The following GRAMD1B variants were observed in gnomAD, a reference collection of about 807,000 sequenced individuals.
GRAMD1B encodes GRAM domain containing 1B.
A neutral mutation model predicts 99.7 loss-of-function variants in GRAMD1B; 37 were observed. The ratio of observed to expected loss-of-function variants is 0.37; its 90% CI spans 0.29 to 0.49. The LOEUF (loss-of-function observed/expected upper bound fraction) is 0.49. Among genes scored for constraint, GRAMD1B ranks in the 20% least tolerant of loss-of-function variants. GRAMD1B has a pLI of 0.98. For synonymous variants in GRAMD1B, 427 were observed against 387.6 expected (o/e 1.10, Z -1.19); for missense variants, 888 against 1,009.2 (o/e 0.88, Z 1.63).
At chr11:123,442,241 C>T (rs1008504168) in intron 1 of GRAMD1B, among the ~76,000 whole-genome samples, 1 of 152,192 alleles carries the variant, frequency 6.6e-6, no homozygotes, top group African/African-American at 2.4e-5. Flanking sequence ...TTAGAGCTAC[C>T]TGTACTTTTT....
intron 11 of GRAMD1B, chr11:123,607,981 A>G: frequency 6.5e-6 from 1 of 154,474 alleles, no homozygotes; most frequent in South Asian, 2.0e-4. Context: ...CCTGAGACTG[A>G]AGGAAGCTCC....
At chr11:123,436,066 C>T (rs1052420106) in intron 1 of GRAMD1B, among the ~76,000 whole-genome samples, 2 of 151,740 alleles carry the variant, frequency 1.3e-5, no homozygotes, top group Non-Finnish European at 2.9e-5. Context: ...CCTAAGCCTC[C>T]TGAGTAGCTG....
rs1955535617 is a variant in GRAMD1B at position 123,626,971 on chromosome 11, A to T, written c.*4376A>T. On this transcript the variant is annotated 3_prime_UTR_variant, in exon 20 of 20. Transcript: ENST00000635736. ...TTGTTACCTCACTTCTGCTCTGGCCATGGCTGTGAAGGGCCCAGCCAGCTC... is the reference window on the plus strand; with the variant it reads ...TTGTTACCTCACTTCTGCTCTGGCCTTGGCTGTGAAGGGCCCAGCCAGCTC... The T allele has an allele frequency of 6.6e-6, 1 of 152,222 alleles. No homozygotes were observed. Among genetic ancestry groups the T allele is most frequent in the Non-Finnish European group, 1.5e-5 (1 of 68,170 alleles). 9.4% of individuals were successfully genotyped at this position (152,222 alleles called of 1,614,324 possible).
intron 1 of GRAMD1B, among the ~76,000 whole-genome samples, chr11:123,413,726 C>G (rs375704976): frequency 4.6e-5 from 7 of 152,250 alleles, no homozygotes; most frequent in Non-Finnish European, 7.4e-5. Flanking sequence ...GTCCCACCCC[C>G]ACCCCAGCTT....
intron 1 of GRAMD1B, among the ~76,000 whole-genome samples, chr11:123,424,265 A>G (rs1001811937): frequency 6.6e-6 from 1 of 151,650 alleles, no homozygotes; most frequent in Non-Finnish European, 1.5e-5. Context: ...AAAAAAAAAA[A>G]AAAAAGAAAA....
chr11:123,382,280 G>A (rs556460860), intron 1 of GRAMD1B, among the ~76,000 whole-genome samples: 16 of 152,240 alleles, frequency 1.1e-4, no homozygotes, highest in South Asian at 4.1e-4. Context: ...CAAGACCAGC[G>A]CTGGGAAGAG....
intron 1 of GRAMD1B, among the ~76,000 whole-genome samples, chr11:123,457,156 C>T (rs960680915): frequency 3.3e-5 from 3 of 92,094 alleles, no homozygotes; most frequent in Non-Finnish European, 2.4e-5. Flanking sequence ...CAGTTTATCC[C>T]TCGAATCCCT....
chr11:123,620,472 CAAAAAAA>C (rs55787871), intron 19 of GRAMD1B, among the ~76,000 whole-genome samples: 7 of 69,232 alleles, frequency 1.0e-4, no homozygotes, highest in African/African-American at 1.9e-4. Flanking sequence ...GACTTCATCT[CAAAAAAA>C]AAAAAAAAAA....
intron 2 of GRAMD1B, among the ~76,000 whole-genome samples, chr11:123,557,942 C>G (rs1212167130): frequency 7.1e-6 from 1 of 140,050 alleles, no homozygotes; most frequent in Non-Finnish European, 1.5e-5. Context: ...ACCCCTGTGT[C>G]TATGCCTTAA....
At chr11:123,448,363 G>T (rs111453436) in intron 1 of GRAMD1B, among the ~76,000 whole-genome samples, 207 of 37,502 alleles carry the variant, frequency 5.5e-3, no homozygotes, top group Middle Eastern at 0.021. Flanking sequence ...AGCGATTCTC[G>T]TGTGTGCCAC....
intron 1 of GRAMD1B, among the ~76,000 whole-genome samples, chr11:123,395,354 G>C (rs2135880887): frequency 6.6e-6 from 1 of 151,954 alleles, no homozygotes; most frequent in African/African-American, 2.4e-5. Context: ...GGTATAAAGG[G>C]AAACATGAAT....
chr11:123,375,872 G>T (rs1946676348), intron 1 of GRAMD1B, among the ~76,000 whole-genome samples: 1 of 152,174 alleles, frequency 6.6e-6, no homozygotes. Context: ...TTGGCCCTCA[G>T]ATATTTACTG....
intron 2 of GRAMD1B, chr11:123,525,724 G>A: frequency 5.0e-6 from 1 of 201,398 alleles, no homozygotes; most frequent in South Asian, 9.8e-5. Context: ...GGTCTCCTTG[G>A]CTTCCTTCCC....
At chr11:123,376,644 T>G (rs1946699603) in intron 1 of GRAMD1B, among the ~76,000 whole-genome samples, 1 of 152,202 alleles carries the variant, frequency 6.6e-6, no homozygotes, top group Admixed American at 6.5e-5. Flanking sequence ...AGAACCAGCT[T>G]AAGCGCAAAG....
intron 2 of GRAMD1B, among the ~76,000 whole-genome samples, chr11:123,538,650 T>G (rs952510981): frequency 8.6e-5 from 13 of 151,994 alleles, no homozygotes; most frequent in African/African-American, 3.1e-4. Flanking sequence ...AGACAGAGTC[T>G]CACTCTGTCG....
chr11:123,523,349 T>A (rs575303310), intron 2 of GRAMD1B, among the ~76,000 whole-genome samples: 2 of 151,984 alleles, frequency 1.3e-5, no homozygotes, highest in South Asian at 4.2e-4. Context: ...ATAAATAAAT[T>A]AAAAAGACAC....
intron 2 of GRAMD1B, among the ~76,000 whole-genome samples, chr11:123,511,989 G>A (rs780844298): frequency 6.6e-6 from 1 of 152,222 alleles, no homozygotes; most frequent in Non-Finnish European, 1.5e-5. Context: ...CAAATTCTCA[G>A]TTTTCTTAGA....
intron 1 of GRAMD1B, among the ~76,000 whole-genome samples, chr11:123,449,445 G>C (rs1037057667): frequency 6.6e-6 from 1 of 152,172 alleles, no homozygotes; most frequent in Non-Finnish European, 1.5e-5. Flanking sequence ...TCTTGAAGCT[G>C]AATAATTACC....
intron 1 of GRAMD1B, among the ~76,000 whole-genome samples, chr11:123,464,255 G>A (rs1355978647): frequency 6.6e-6 from 1 of 152,084 alleles, no homozygotes; most frequent in Non-Finnish European, 1.5e-5. Context: ...AGTGAGCCAT[G>A]TTCATGCCAC....
Sources: gnomAD v4.1 joint callset for allele counts (sites outside exome capture counted in the v4.1 genomes callset) on GRCh38, gnomAD v4.1.1 for gene constraint, MANE v1.5 for transcripts, NCBI Gene and HGNC (gene_info 2026-07-23, HGNC 2026-07-21) for gene names.